SELENOT: variants seen among roughly 807,000 people sequenced by gnomAD.
SELENOT encodes the protein selenoprotein T.
A neutral mutation model predicts 24.3 loss-of-function variants in SELENOT; 9 were observed. That is an observed-to-expected ratio of 0.37 (90% CI 0.22 to 0.65). The LOEUF (loss-of-function observed/expected upper bound fraction) is 0.65. SELENOT is among the 30% of genes least tolerant of loss of function. The pLI is 0.60. For missense variants in SELENOT, 166 were observed against 247.6 expected (o/e 0.67, Z 2.21); for synonymous variants, 81 against 86.0 (o/e 0.94, Z 0.32).
intron 1 of SELENOT, chr3:150,611,416 G>C: frequency 1.6e-6 from 2 of 1,250,596 alleles, no homozygotes; most frequent in South Asian, 2.4e-5. Context: ...TCCTGGTCTG[G>C]TTGGTGGCTT....
At chr3:150,611,963 G>C (rs1426717447) in intron 1 of SELENOT, 1 of 666,150 alleles carries the variant, frequency 1.5e-6, no homozygotes, top group Non-Finnish European at 2.5e-6. Context: ...TGCACACCAA[G>C]TTAGCTGCAT....
At chr3:150,614,551 G>A (rs762365508) in intron 1 of SELENOT, 1 of 154,650 alleles carries the variant, frequency 6.5e-6, no homozygotes, top group Non-Finnish European at 1.5e-5. Flanking sequence ...GCTAGAACTA[G>A]GATCCAGGGT....
At chr3:150,624,773 A>T (rs982581309) in intron 3 of SELENOT, 39 bp from the exon 4 acceptor site, 2 of 1,293,058 alleles carry the variant, frequency 1.5e-6, no homozygotes, top group Non-Finnish European at 2.2e-6. Flanking sequence ...TTTACCAAAC[A>T]TGACTTTGCC....
chr3:150,613,966 C>G (rs1726155745), intron 1 of SELENOT, among the ~76,000 whole-genome samples: 1 of 151,446 alleles, frequency 6.6e-6, no homozygotes, highest in Admixed American at 6.6e-5. Context: ...AAAGCACATG[C>G]AGGAGAAAGC....
At chr3:150,604,969 G>A (rs1234606080) in intron 1 of SELENOT, among the ~76,000 whole-genome samples, 10 of 151,538 alleles carry the variant, frequency 6.6e-5, no homozygotes, top group Admixed American at 2.0e-4. Context: ...CCCGGGAAGC[G>A]GAGGTTGCGG....
At chr3:150,613,713 T>C (rs527544668) in intron 1 of SELENOT, among the ~76,000 whole-genome samples, 7 of 131,392 alleles carry the variant, frequency 5.3e-5, no homozygotes, top group African/African-American at 2.1e-4. Flanking sequence ...GACCCAGAGA[T>C]GATTGAGAGG....
At chr3:150,603,520 C>T (rs773110839) in intron 1 of SELENOT, 21 bp downstream of exon 1, 4 of 1,559,144 alleles carry the variant, frequency 2.6e-6, no homozygotes, top group Admixed American at 3.6e-5. Flanking sequence ...GCACTGGGCC[C>T]CGGCCACCCC....
Position 150,629,817 on chromosome 3 carries a change from GA to G in SELENOT, c.*2191del. On this transcript the variant is annotated 3_prime_UTR_variant, in exon 6 of 6. Coordinates refer to ENST00000471696, the MANE Select transcript of SELENOT (RefSeq NM_016275.5). Reference sequence around the variant, plus strand: ...AAAAGTAATAATATAAGGAAAAAGGGAAAGTAAACTATTTAGAATGTAGTTT... The same window carrying G: ...AAAAGTAATAATATAAGGAAAAAGGGAAGTAAACTATTTAGAATGTAGTTT... 1 of 152,730 alleles carries G rather than the reference GA, an allele frequency of 6.5e-6. No homozygotes were observed. Among genetic ancestry groups the G allele is most frequent in the South Asian group, 2.1e-4 (1 of 4,824 alleles). The allele number at this position is 152,730 out of a possible 1,614,324, so 9.5% of individuals were successfully genotyped here. A position where few individuals can be genotyped will look rare whatever the true frequency, so the allele number is the denominator to read the frequency against.
chr3:150,611,793 C>G (rs1417930906), intron 1 of SELENOT: 1 of 1,064,876 alleles, frequency 9.4e-7, no homozygotes, highest in East Asian at 2.5e-5. Flanking sequence ...GGCCCCTCAG[C>G]CCCGATTTCC....
chr3:150,628,436 T>C lies in SELENOT; in HGVS notation c.*807T>C, dbSNP rs184842800. The C allele has an allele frequency of 6.5e-6, 1 of 152,742 alleles. No homozygotes were observed. The highest frequency in any genetic ancestry group is 1.5e-5 in the Non-Finnish European group (1 of 68,010). 9.5% of individuals were successfully genotyped at this position (152,742 alleles called of 1,614,324 possible). ...ACCTGTTAACATTATATTTAACAATTGCTTAAATTTTTGTTTTTGATTTAT... is the reference window on the plus strand; with the variant it reads ...ACCTGTTAACATTATATTTAACAATCGCTTAAATTTTTGTTTTTGATTTAT... On this transcript the variant is annotated 3_prime_UTR_variant, in exon 6 of 6. Transcript: ENST00000471696.
At chr3:150,613,665 C>CTTTTTTTT in intron 1 of SELENOT, among the ~76,000 whole-genome samples, 1 of 78,890 alleles carries the variant, frequency 1.3e-5, no homozygotes, top group Non-Finnish European at 2.4e-5. Context: ...AAGATGGGAA[C>CTTTTTTTT]TTTTTTTTTT....
chr3:150,611,904 T>C, intron 1 of SELENOT: 1 of 995,560 alleles, frequency 1.0e-6, no homozygotes, highest in Non-Finnish European at 1.5e-6. Flanking sequence ...GTACCGGCGC[T>C]GACAGAAATC....
chr3:150,616,186 T>C (rs1330667004), intron 1 of SELENOT, among the ~76,000 whole-genome samples: 13 of 147,200 alleles, frequency 8.8e-5, no homozygotes, highest in Non-Finnish European at 1.8e-4. Flanking sequence ...TTACACCTTA[T>C]ACAAAAATCA....
chr3:150,623,152 TG>T lies in SELENOT; in HGVS notation c.362del (p.Gly121AlafsTer?). 6.2e-7 allele frequency: 1 copy of T among 1,603,340 alleles called. No homozygotes were observed. On this transcript the variant is annotated frameshift_variant, in exon 3 of 6. Coordinates refer to ENST00000471696, the MANE Select transcript of SELENOT (RefSeq NM_016275.5). LOFTEE classifies it high-confidence loss of function. ...FGMQAPSIWQWGQENKVYACM... is the reference protein window; with the variant it reads ...FGMQAPSIWQXGQENKVYACM... ...CATGCAAGCTCCTAGCATCTGGCAG[TG>T]GGGCCAAGAAAATAAGGTATGTAAC...
rs200990132 is a variant in SELENOT, at chr3:150,618,207, T to C, written c.138-4178T>C. Among the ~76,000 whole-genome samples the C allele has an allele frequency of 7.2e-5, 11 of 152,298 alleles. 1 individual carries two copies. The East Asian group carries it at 1.9e-3, about 27-fold the overall frequency. ...CTAGAGAAGGAACTCTGTTTGGATC[T>C]TCTTGTTACAGGTTTGTATTTCTGG... On this transcript the variant is annotated intron_variant, in intron 1 of 5. Coordinates refer to ENST00000471696, the MANE Select transcript of SELENOT (RefSeq NM_016275.5).
At chr3:150,612,044 A>T (rs1171110159) in intron 1 of SELENOT, among the ~76,000 whole-genome samples, 1 of 151,730 alleles carries the variant, frequency 6.6e-6, no homozygotes, top group African/African-American at 2.4e-5. Flanking sequence ...CGGGACTCAG[A>T]GTCGAGCGTC....
intron 1 of SELENOT, among the ~76,000 whole-genome samples, chr3:150,619,654 G>A (rs1376237602): frequency 6.6e-6 from 1 of 152,212 alleles, no homozygotes; most frequent in Non-Finnish European, 1.5e-5. Flanking sequence ...ATTTGGAGGT[G>A]TACTGAGAGA....
chr3:150,619,464 A>C (rs900940933), intron 1 of SELENOT, among the ~76,000 whole-genome samples: 15 of 152,032 alleles, frequency 9.9e-5, no homozygotes, highest in African/African-American at 3.6e-4. Flanking sequence ...TGAATGCGGG[A>C]GGCGGAGTTT....
At chr3:150,606,520 T>G (rs376152315) in intron 1 of SELENOT, among the ~76,000 whole-genome samples, 1 of 151,980 alleles carries the variant, frequency 6.6e-6, no homozygotes, top group Non-Finnish European at 1.5e-5. Flanking sequence ...GGCTTCATAC[T>G]TGGAAAAAAA....
Sources: allele counts gnomAD v4.1 joint callset (sites outside exome capture counted in the v4.1 genomes callset), GRCh38; gene constraint gnomAD v4.1.1; transcripts MANE v1.5; gene names NCBI Gene and HGNC (gene_info 2026-07-23, HGNC 2026-07-21).